The following CREB5 variants were observed in gnomAD, a reference collection of about 807,000 sequenced individuals.
CREB5 encodes cAMP responsive element binding protein 5.
CREB5 carries 19 observed loss-of-function variants against 57.1 expected under a neutral mutation model. The ratio of observed to expected loss-of-function variants is 0.33; its 90% confidence interval spans 0.23 to 0.49. CREB5 has a LOEUF of 0.49. Among genes scored for constraint, CREB5 ranks in the 20% least tolerant of loss-of-function variants. The probability of loss-of-function intolerance (pLI) is 0.99; values close to 1 mark genes in which losing one functional copy is unlikely to be tolerated. For missense variants in CREB5, 579 were observed against 671.6 expected (o/e 0.86, Z 1.52); for synonymous variants, 238 against 238.3 (o/e 1.00, Z 0.01).
At chr7:28,588,962 A>G (rs1796396461) in intron 5 of CREB5, among the ~76,000 whole-genome samples, 1 of 152,040 alleles carries the variant, frequency 6.6e-6, no homozygotes, top group African/African-American at 2.4e-5. Flanking sequence ...CTCTCTTCCC[A>G]CCTGCCCAGC....
intron 4 of CREB5, among the ~76,000 whole-genome samples, chr7:28,542,190 G>C (rs1337221653): frequency 6.6e-6 from 1 of 152,108 alleles, no homozygotes; most frequent in Non-Finnish European, 1.5e-5. Context: ...TATTATTTCT[G>C]TTTTATGGGC....
intron 8 of CREB5, among the ~76,000 whole-genome samples, chr7:28,808,396 C>T (rs1412312486): frequency 6.6e-6 from 1 of 152,168 alleles, no homozygotes; most frequent in Non-Finnish European, 1.5e-5. Context: ...CACAATTTTA[C>T]CACTATTAGA....
intron 5 of CREB5, among the ~76,000 whole-genome samples, chr7:28,664,782 C>G (rs1280087264): frequency 6.6e-6 from 1 of 152,058 alleles, no homozygotes; most frequent in East Asian, 1.9e-4. Context: ...AATGGACAGC[C>G]CTTTCATGTG....
chr7:28,676,077 G>A (rs1800307605), intron 5 of CREB5, among the ~76,000 whole-genome samples: 1 of 151,960 alleles, frequency 6.6e-6, no homozygotes. Flanking sequence ...TGAGTAAGGG[G>A]GTATAAAAAT....
At chr7:28,565,869 C>T (rs185651612) in intron 4 of CREB5, among the ~76,000 whole-genome samples, 31 of 152,218 alleles carry the variant, frequency 2.0e-4, no homozygotes, top group East Asian at 1.9e-3. Flanking sequence ...TGCAGTGAAC[C>T]GAGACTGCGT....
At chr7:28,307,891 C>T (rs1317414643) in intron 1 of CREB5, among the ~76,000 whole-genome samples, 3 of 152,224 alleles carry the variant, frequency 2.0e-5, no homozygotes, top group African/African-American at 4.8e-5. Context: ...TACAGAAGCA[C>T]ACCTTGGGGA....
At chr7:28,360,731 A>G (rs996229145) in intron 1 of CREB5, among the ~76,000 whole-genome samples, 2 of 152,220 alleles carry the variant, frequency 1.3e-5, no homozygotes, top group Non-Finnish European at 2.9e-5. Context: ...TAATTTTTCA[A>G]TATGTAATAA....
At chr7:28,560,917 TGTGTGCGCGTGC>T (rs1411061101) in intron 4 of CREB5, among the ~76,000 whole-genome samples, 2 of 80,856 alleles carry the variant, frequency 2.5e-5, no homozygotes, top group East Asian at 7.6e-4. Context: ...TGCGTGTGCG[TGTGTGCGCGTGC>T]GTGTGTGCGT....
intron 5 of CREB5, among the ~76,000 whole-genome samples, chr7:28,573,510 C>T (rs1049185276): frequency 2.6e-5 from 4 of 152,208 alleles, no homozygotes; most frequent in African/African-American, 7.2e-5. Flanking sequence ...TGTGCTGCGG[C>T]CAGCGGGTGT....
intron 4 of CREB5, among the ~76,000 whole-genome samples, chr7:28,520,293 G>A (rs534282367): frequency 1.3e-5 from 2 of 152,258 alleles, no homozygotes; most frequent in South Asian, 2.1e-4. Flanking sequence ...AGTTGTCTCC[G>A]CATCCTCCTG....
intron 1 of CREB5, among the ~76,000 whole-genome samples, chr7:28,397,462 T>G (rs1787361646): frequency 6.6e-6 from 1 of 152,136 alleles, no homozygotes; most frequent in African/African-American, 2.4e-5. Flanking sequence ...AGCATCTCCC[T>G]CTCCCTCCAG....
chr7:28,630,760 C>T (rs1798170883), intron 5 of CREB5, among the ~76,000 whole-genome samples: 2 of 152,114 alleles, frequency 1.3e-5, no homozygotes, highest in African/African-American at 4.8e-5. Context: ...ATATTTTCAA[C>T]CATTTTCTAC....
At chr7:28,383,921 T>C (rs1446182375) in intron 1 of CREB5, among the ~76,000 whole-genome samples, 4 of 152,192 alleles carry the variant, frequency 2.6e-5, no homozygotes, top group Non-Finnish European at 5.9e-5. Flanking sequence ...TAAATTTTAC[T>C]TTTTCCTAAA....
rs1308931866 is a variant in CREB5 at position 28,557,051 on chromosome 7, TGGCCC to T, written c.292-13313_292-13309del. Among the ~76,000 whole-genome samples the T allele has an allele frequency of 8.0e-5, 12 of 149,378 alleles. 2 individuals carry two copies. The highest frequency in any genetic ancestry group is 2.1e-4 in the South Asian group (1 of 4,778). Reference sequence around the variant, plus strand: ...GATACTAACAGCTCCCTGCTGAAACTGGCCCCAGGGCTTTCCTACAATCTGTTCCC... The same window carrying T: ...GATACTAACAGCTCCCTGCTGAAACTCAGGGCTTTCCTACAATCTGTTCCC... On this transcript the variant is annotated intron_variant, in intron 4 of 10. Coordinates refer to ENST00000357727, the MANE Select transcript of CREB5 (RefSeq NM_182898.4).
Position 28,813,909 on chromosome 7 carries a change from CCAGA to C in CREB5, c.1255-4159_1255-4156del, listed in dbSNP as rs939582651. 5.9e-5 allele frequency among the ~76,000 whole-genome samples: 9 copies of C among 152,186 alleles called. 1 individual carries two copies. The highest frequency in any genetic ancestry group is 4.2e-4 in the South Asian group (2 of 4,814). ...TGAAAAAATGAAGAGTTGATTTCCA[CCAGA>C]CAATCAATACATATTATTAATACCT... On this transcript the variant is annotated intron_variant, in intron 9 of 10. Transcript: ENST00000357727.
intron 1 of CREB5, among the ~76,000 whole-genome samples, chr7:28,463,125 C>A (rs940190646): frequency 6.6e-6 from 1 of 151,950 alleles, no homozygotes; most frequent in Non-Finnish European, 1.5e-5. Flanking sequence ...AATTAGGGAT[C>A]CACCTTTATT....
At chr7:28,431,297 C>T (rs2128017494) in intron 1 of CREB5, among the ~76,000 whole-genome samples, 1 of 152,290 alleles carries the variant, frequency 6.6e-6, no homozygotes, top group East Asian at 1.9e-4. Flanking sequence ...AGACTGCCTG[C>T]CACAGCAATA....
intron 1 of CREB5, among the ~76,000 whole-genome samples, chr7:28,381,247 T>C (rs934292922): frequency 5.9e-5 from 9 of 152,206 alleles, no homozygotes; most frequent in Non-Finnish European, 1.2e-4. Context: ...GTAACAGTTG[T>C]TAAACATCTT....
At chr7:28,658,981 G>GTATATATATATA (rs1799478582) in intron 5 of CREB5, among the ~76,000 whole-genome samples, 1 of 90,094 alleles carries the variant, frequency 1.1e-5, no homozygotes, top group African/African-American at 3.8e-5. Flanking sequence ...ATATATATAT[G>GTATATATATATA]TATATATAAG....
Sources: gnomAD v4.1 joint callset for allele counts (sites outside exome capture counted in the v4.1 genomes callset) on GRCh38, gnomAD v4.1.1 for gene constraint, MANE v1.5 for transcripts, NCBI Gene and HGNC (gene_info 2026-07-23, HGNC 2026-07-21) for gene names.